The following LARP1B variants were observed in gnomAD, a reference collection of about 807,000 sequenced individuals.
LARP1B encodes la-related protein 1B.
LARP1B carries 76 observed loss-of-function variants against 114.2 expected under a neutral mutation model. The observed-to-expected ratio is 0.67, with a 90% CI of 0.55 to 0.81. The LOEUF (loss-of-function observed/expected upper bound fraction) is 0.81. Among genes scored for constraint, LARP1B ranks in the 30% least tolerant of loss-of-function variants. The probability of loss-of-function intolerance (pLI) is 0.00; values close to 1 mark genes in which losing one functional copy is unlikely to be tolerated. For missense variants in LARP1B, 1,014 were observed against 1,075.8 expected (o/e 0.94, Z 0.80); for synonymous variants, 345 against 348.0 (o/e 0.99, Z 0.10).
At chr4:128,204,222 G>C (rs575685259) in intron 17 of LARP1B, among the ~76,000 whole-genome samples, 2 of 146,550 alleles carry the variant, frequency 1.4e-5, no homozygotes, top group Non-Finnish European at 3.0e-5. Context: ...GAAATAAAGA[G>C]AGATACTGAG....
intron 11 of LARP1B, chr4:128,123,010 A>G (rs1788488227): frequency 5.1e-6 from 5 of 984,996 alleles, no homozygotes; most frequent in Non-Finnish European, 6.0e-6. Context: ...ATATAACATT[A>G]TATGCCAAAT....
chr4:128,221,118 C>A (rs1022950617), intron 7 of LARP1B, among the ~76,000 whole-genome samples: 2 of 151,898 alleles, frequency 1.3e-5, no homozygotes, highest in African/African-American at 4.8e-5. Flanking sequence ...AATGGAGGGT[C>A]TAATGGAGTA....
rs571564481 is a variant in LARP1B at position 128,104,907 on chromosome 4, CTT to C, written c.814-2229_814-2228del. 2.1e-4 allele frequency among the ~76,000 whole-genome samples: 32 copies of C among 152,224 alleles called. No homozygotes were observed. The South Asian group carries it at 4.1e-3, about 20-fold the overall frequency. On this transcript the variant is annotated intron_variant, in intron 8 of 19. Transcript: ENST00000326639. ...TAACAGGGCATAAATGTGTGATTAC[CTT>C]TTGTAGATACTGCTAAGCATTTTTT...
rs182232941 is a variant in LARP1B at position 128,087,511 on chromosome 4, G to T, written c.359-3490G>T. Among the ~76,000 whole-genome samples, 238 of 152,182 alleles carry T rather than the reference G, an allele frequency of 1.6e-3. 2 individuals carry two copies. Among genetic ancestry groups the T allele is most frequent in the African/African-American group, 5.2e-3 (217 of 41,518 alleles). On this transcript the variant is annotated intron_variant, in intron 5 of 19. Transcript: ENST00000326639. ...TGAAAGAATTGTTCAGTGAATACCT[G>T]TCTAGCCACCATCTAGATTAATAAT...
chr4:128,221,166 A>T (rs975403648), intron 7 of LARP1B, among the ~76,000 whole-genome samples: 1 of 152,214 alleles, frequency 6.6e-6, no homozygotes, highest in African/African-American at 2.4e-5. Context: ...GATTTACAAT[A>T]TATGCTAAAT....
chr4:128,069,487 C>T, intron 1 of LARP1B: 1 of 752,834 alleles, frequency 1.3e-6, no homozygotes, highest in Non-Finnish European at 2.4e-6. Flanking sequence ...AGCTGGTGCG[C>T]TTTATCAAGC....
chr4:128,133,451 G>T (rs1187188347), intron 11 of LARP1B, among the ~76,000 whole-genome samples: 9 of 152,188 alleles, frequency 5.9e-5, no homozygotes. Flanking sequence ...CAGCTTCAGT[G>T]CAATGCCTAT....
In LARP1B at chr4:128,206,482, C is replaced by G; in HGVS notation, c.2364C>G (p.Phe788Leu). The change falls in exon 18 of 20, where the codon TTC (phenylalanine) becomes TTG (leucine). Residue 788 changes from phenylalanine to leucine, a missense_variant. Coordinates refer to ENST00000326639, the MANE Select transcript of LARP1B (RefSeq NM_018078.4). ...ATAGTTATGGACTGGAAAAAAAATT[C>G]AGGCGAGAAATTTTTCAGGATTTCC... Reference protein sequence around the residue: ...RFYSYGLEKKFRREIFQDFQE... With the variant: ...RFYSYGLEKKLRREIFQDFQE... 1 of 1,612,946 alleles carries G rather than the reference C, an allele frequency of 6.2e-7. No individual in the cohort carries two copies. The highest frequency in any genetic ancestry group is 1.7e-4 in the Middle Eastern group (1 of 6,054).
chr4:128,140,262 TA>T (rs919722462), intron 11 of LARP1B, among the ~76,000 whole-genome samples: 8 of 152,206 alleles, frequency 5.3e-5, no homozygotes, highest in African/African-American at 1.9e-4. Flanking sequence ...TAATTCATTA[TA>T]GTCACAAATT....
intron 8 of LARP1B, among the ~76,000 whole-genome samples, chr4:128,101,422 C>T (rs1780274810): frequency 6.6e-6 from 1 of 151,878 alleles, no homozygotes; most frequent in South Asian, 2.1e-4. Context: ...TTGAAAATAA[C>T]ATAAAATAAT....
At chr4:128,073,708 A>T (rs1341803052) in intron 1 of LARP1B, among the ~76,000 whole-genome samples, 3 of 145,136 alleles carry the variant, frequency 2.1e-5, no homozygotes, top group African/African-American at 5.1e-5. Context: ...CTCCTGCCTC[A>T]GCCTTCTGAG....
intron 11 of LARP1B, among the ~76,000 whole-genome samples, chr4:128,153,417 AGC>A (rs1368458328): frequency 6.6e-6 from 1 of 151,586 alleles, no homozygotes; most frequent in Non-Finnish European, 1.5e-5. Flanking sequence ...CCCGGATTCA[AGC>A]GATTCTTCTG....
chr4:128,121,098 T>C (rs1011057404), intron 10 of LARP1B, among the ~76,000 whole-genome samples: 1 of 152,186 alleles, frequency 6.6e-6, no homozygotes, highest in Admixed American at 6.5e-5. Flanking sequence ...TGTGAGCCAC[T>C]GCACCTGGCC....
intron 13 of LARP1B, 29 bp downstream of exon 13, chr4:128,176,936 G>A: frequency 6.2e-7 from 1 of 1,600,608 alleles, no homozygotes; most frequent in Non-Finnish European, 8.6e-7. Context: ...ATTAAAGGGA[G>A]GCTATGATAT....
intron 5 of LARP1B, among the ~76,000 whole-genome samples, chr4:128,086,537 C>T (rs1414319970): frequency 6.6e-6 from 1 of 152,084 alleles, no homozygotes; most frequent in African/African-American, 2.4e-5. Context: ...CCATGTTGCC[C>T]AGGCTGGTCT....
chr4:128,061,565 GC>G, intron 1 of LARP1B, 164 bp downstream of exon 1: 1 of 568,650 alleles, frequency 1.8e-6, no homozygotes, highest in South Asian at 7.6e-5. Context: ...GGCAGCGGCG[GC>G]CACGGCCGCC....
At chr4:128,111,856 ATT>A (rs569423146) in intron 9 of LARP1B, among the ~76,000 whole-genome samples, 5 of 138,544 alleles carry the variant, frequency 3.6e-5, no homozygotes, top group Admixed American at 7.2e-5. Context: ...TAATTTTTGT[ATT>A]TTTTTTTTTT....
chr4:128,183,214 A>C (rs1326142026), intron 15 of LARP1B, among the ~76,000 whole-genome samples: 2 of 152,218 alleles, frequency 1.3e-5, no homozygotes, highest in Non-Finnish European at 2.9e-5. Context: ...TGTAGACAAA[A>C]CAGCCTTCTA....
chr4:128,087,597 G>A (rs1580130021), intron 5 of LARP1B, among the ~76,000 whole-genome samples: 1 of 152,094 alleles, frequency 6.6e-6, no homozygotes, highest in South Asian at 2.1e-4. Context: ...AGATGTTGAC[G>A]CTTTATCACT....
Sources: allele counts gnomAD v4.1 joint callset (sites outside exome capture counted in the v4.1 genomes callset), GRCh38; gene constraint gnomAD v4.1.1; transcripts MANE v1.5; gene names NCBI Gene and HGNC (gene_info 2026-07-23, HGNC 2026-07-21).